Variants in EPC2 observed in about 807,000 individuals in gnomAD.
The protein encoded by EPC2 is enhancer of polycomb homolog 2.
A neutral mutation model predicts 92.1 loss-of-function variants in EPC2; 14 were observed. That is an observed-to-expected ratio of 0.15 (90% confidence interval 0.10 to 0.24). The LOEUF (loss-of-function observed/expected upper bound fraction) is 0.24, where lower values mean the gene tolerates loss of function less well. Ranked by LOEUF, EPC2 falls within the 10% of genes least tolerant of loss-of-function variation. EPC2 has a pLI of 1.00. For synonymous variants in EPC2, 340 were observed against 334.7 expected, an observed-to-expected ratio of 1.02 and a Z score of -0.17; for missense variants, 755 against 971.5, an observed-to-expected ratio of 0.78 and a Z score of 2.96.
intron 2 of EPC2, among the ~76,000 whole-genome samples, chr2:148,730,833 C>T (rs530906020): frequency 6.8e-4 from 104 of 152,340 alleles, no homozygotes; most frequent in African/African-American, 2.4e-3. Context: ...GTTAGATATA[C>T]AACAGCACTA....
chr2:148,701,967 T>C (rs1681897960), intron 2 of EPC2, among the ~76,000 whole-genome samples: 1 of 152,192 alleles, frequency 6.6e-6, no homozygotes, highest in Non-Finnish European at 1.5e-5. Flanking sequence ...GTCCATTTTC[T>C]GTAAGTTGTC....
At chr2:148,645,255 T>G (rs1683770125) in intron 1 of EPC2, 85 bp downstream of exon 1, 47 of 1,164,826 alleles carry the variant, frequency 4.0e-5, no homozygotes, top group Non-Finnish European at 4.8e-5. Flanking sequence ...CAGAGCGCTT[T>G]ACGCTCGCTG....
intron 1 of EPC2, among the ~76,000 whole-genome samples, chr2:148,688,417 TG>T (rs1415032803): frequency 1.3e-5 from 2 of 150,734 alleles, no homozygotes; most frequent in Non-Finnish European, 3.0e-5. Flanking sequence ...TGTTGTGGGA[TG>T]GGGGGAGGGG....
rs1452989727 is a variant in EPC2 at position 148,647,106 on chromosome 2, T to TC, written c.153+1943dup. Among the ~76,000 whole-genome samples the TC allele has an allele frequency of 1.3e-4, 19 of 151,180 alleles. No individual in the cohort carries two copies. The Middle Eastern group carries it at 0.017, about 136-fold the overall frequency. ...GCCTGGGGGACAGAGCGAGACTCCG[T>TC]CCCCCCCAACAACAAAAAAAAGGAA... On this transcript the variant is annotated intron_variant, in intron 1 of 13. Coordinates refer to ENST00000258484, the MANE Select transcript of EPC2 (RefSeq NM_015630.4).
chr2:148,780,623 C>T (rs567184283), intron 10 of EPC2, among the ~76,000 whole-genome samples: 1 of 152,218 alleles, frequency 6.6e-6, no homozygotes, highest in South Asian at 2.1e-4. Context: ...AACAGAGATC[C>T]TTTTCTTATT....
At position 148,786,614 on chromosome 2, in the gene EPC2, TTCA is replaced by T; in HGVS notation, c.*245_*247del. 5.7e-6 allele frequency: 2 copies of T among 349,650 alleles called. No individual in the cohort carries two copies. The highest frequency in any genetic ancestry group is 1.0e-5 in the Non-Finnish European group (2 of 191,994). The allele number at this position is 349,650 out of a possible 1,614,324, so 21.7% of individuals were successfully genotyped here. A position where few individuals can be genotyped will look rare whatever the true frequency, so the allele number is the denominator to read the frequency against. ...ATTTCTGTTACTTGAATAGTAGATATTCATCATCATGCTTTTGCACTTGAATTT... is the reference window on the plus strand; with the variant it reads ...ATTTCTGTTACTTGAATAGTAGATATTCATCATGCTTTTGCACTTGAATTT... On this transcript the variant is annotated 3_prime_UTR_variant, in exon 14 of 14. Coordinates refer to ENST00000258484, the MANE Select transcript of EPC2 (RefSeq NM_015630.4).
chr2:148,767,385 C>G (rs1389067282), intron 7 of EPC2, among the ~76,000 whole-genome samples: 1 of 152,024 alleles, frequency 6.6e-6, no homozygotes, highest in African/African-American at 2.4e-5. Flanking sequence ...GTTTCCAGTT[C>G]CCATACCCAC....
At chr2:148,756,089 T>G (rs1683185114) in intron 4 of EPC2, among the ~76,000 whole-genome samples, 1 of 152,254 alleles carries the variant, frequency 6.6e-6, no homozygotes, top group Non-Finnish European at 1.5e-5. Flanking sequence ...GTTTTCTGCT[T>G]CTTTTGTTCT....
chr2:148,727,446 T>G (rs764584012), intron 2 of EPC2, among the ~76,000 whole-genome samples: 97 of 152,228 alleles, frequency 6.4e-4, no homozygotes, highest in Non-Finnish European at 1.2e-3. Context: ...GAACAACAAC[T>G]CTGTTAAAAA....
At chr2:148,771,829 C>T (rs1012766146) in intron 10 of EPC2, among the ~76,000 whole-genome samples, 1 of 150,084 alleles carries the variant, frequency 6.7e-6, no homozygotes, top group Non-Finnish European at 1.5e-5. Flanking sequence ...GATGGAGTCT[C>T]GCTGTGTCGC....
intron 8 of EPC2, 32 bp from the exon 9 acceptor site, chr2:148,770,760 T>C (rs1019692024): frequency 1.3e-6 from 2 of 1,559,792 alleles, no homozygotes; most frequent in Non-Finnish European, 1.7e-6. Flanking sequence ...ACTCCATGAG[T>C]TTTTTGTTTT....
At chr2:148,646,938 C>T (rs1347808581) in intron 1 of EPC2, among the ~76,000 whole-genome samples, 1 of 152,124 alleles carries the variant, frequency 6.6e-6, no homozygotes, top group Non-Finnish European at 1.5e-5. Flanking sequence ...GGTGAAACTC[C>T]GTCTCCACTA....
At chr2:148,665,004 C>T (rs1185938862) in intron 1 of EPC2, among the ~76,000 whole-genome samples, 1 of 152,158 alleles carries the variant, frequency 6.6e-6, no homozygotes, top group African/African-American at 2.4e-5. Context: ...AAGGATCAAA[C>T]CATTTTTCAG....
intron 2 of EPC2, among the ~76,000 whole-genome samples, chr2:148,724,700 T>G (rs938779460): frequency 5.9e-5 from 9 of 152,140 alleles, no homozygotes; most frequent in African/African-American, 2.2e-4. Flanking sequence ...TTATTTTTTG[T>G]ATAGTAACTG....
intron 1 of EPC2, among the ~76,000 whole-genome samples, chr2:148,659,556 A>G (rs766093623): frequency 3.3e-5 from 5 of 152,112 alleles, no homozygotes; most frequent in Admixed American, 6.6e-5. Context: ...TGTATTGAAT[A>G]TAAATAATAT....
intron 1 of EPC2, among the ~76,000 whole-genome samples, chr2:148,681,277 G>T (rs1681389074): frequency 6.6e-6 from 1 of 152,170 alleles, no homozygotes; most frequent in Admixed American, 6.5e-5. Context: ...TTCCACTTAG[G>T]ATGGTCAGAT....
rs1007171162 is a variant in EPC2 at position 148,709,934 on chromosome 2, T to A, written c.313+19561T>A. ...GGCAATACCATTCAGGACATAGGCA[T>A]GGACAAGGAATTCATGACTAAAACA... On this transcript the variant is annotated intron_variant, in intron 2 of 13. Coordinates refer to ENST00000258484, the MANE Select transcript of EPC2 (RefSeq NM_015630.4). 2.6e-5 allele frequency among the ~76,000 whole-genome samples: 4 copies of A among 152,116 alleles called. No individual in the cohort carries two copies. In the East Asian group the frequency reaches 7.7e-4, roughly 29 times the overall value.
chr2:148,647,363 A>G (rs981953390), intron 1 of EPC2, among the ~76,000 whole-genome samples: 2 of 152,074 alleles, frequency 1.3e-5, no homozygotes, highest in African/African-American at 4.8e-5. Context: ...GCTTGATTGC[A>G]ATGGCGCGAT....
At position 148,650,247 on chromosome 2, in the gene EPC2, G is replaced by A. The variant is rs1680650538; in HGVS notation, c.153+5077G>A. 3.3e-5 allele frequency among the ~76,000 whole-genome samples: 5 copies of A among 152,146 alleles called. No individual in the cohort carries two copies. In the South Asian group the frequency reaches 1.0e-3, roughly 32 times the overall value. ...TTCTATTTCTTTTTCTGTTCCAAGAGCTATATTTGTGTCTTTTCTCCCCCT... is the reference window on the plus strand; with the variant it reads ...TTCTATTTCTTTTTCTGTTCCAAGAACTATATTTGTGTCTTTTCTCCCCCT... On this transcript the variant is annotated intron_variant, in intron 1 of 13. Transcript: ENST00000258484.
Sources: allele counts gnomAD v4.1 joint callset (sites outside exome capture counted in the v4.1 genomes callset), GRCh38; gene constraint gnomAD v4.1.1; transcripts MANE v1.5; gene names NCBI Gene and HGNC (gene_info 2026-07-23, HGNC 2026-07-21).